Variants in AP4E1 observed in about 807,000 individuals in gnomAD.
The protein encoded by AP4E1 is adaptor related protein complex 4 subunit epsilon 1.
In AP4E1, 56 loss-of-function variants were observed where a neutral mutation model predicts 128.2. That is an observed-to-expected ratio of 0.44 (90% CI 0.35 to 0.55). The LOEUF is 0.55. Ranked by LOEUF, AP4E1 falls within the 20% of genes least tolerant of loss-of-function variation. AP4E1 has a pLI of 0.00. For synonymous variants in AP4E1, 484 were observed against 473.1 expected, an observed-to-expected ratio of 1.02 and a Z score of -0.30; for missense variants, 1,324 against 1,307.7, an observed-to-expected ratio of 1.01 and a Z score of -0.19.
intron 16 of AP4E1, among the ~76,000 whole-genome samples, chr15:50,986,757 G>T (rs1188911938): frequency 6.6e-6 from 1 of 152,184 alleles, no homozygotes; most frequent in Admixed American, 6.5e-5. Flanking sequence ...AGGGATATTG[G>T]TCTAAAATTC....
At chr15:50,969,967 T>C (rs769398064) in intron 15 of AP4E1, among the ~76,000 whole-genome samples, 1 of 152,172 alleles carries the variant, frequency 6.6e-6, no homozygotes, top group Non-Finnish European at 1.5e-5. Flanking sequence ...CCACATTCAA[T>C]ATCTTTCTTC....
intron 10 of AP4E1, among the ~76,000 whole-genome samples, chr15:50,946,329 C>T (rs1228745066): frequency 6.6e-6 from 1 of 152,168 alleles, no homozygotes; most frequent in African/African-American, 2.4e-5. Context: ...GACCAAACGT[C>T]TCTTATGTTA....
chr15:50,933,505 A>C (rs2063862676), intron 7 of AP4E1, among the ~76,000 whole-genome samples: 1 of 152,092 alleles, frequency 6.6e-6, no homozygotes, highest in Non-Finnish European at 1.5e-5. Flanking sequence ...TGTGGTTAAG[A>C]CTCATGCCAG....
intron 17 of AP4E1, among the ~76,000 whole-genome samples, chr15:50,996,792 G>T (rs2064880938): frequency 6.6e-6 from 1 of 152,152 alleles, no homozygotes; most frequent in Admixed American, 6.5e-5. Flanking sequence ...CAGTTATTGA[G>T]TTCTTTCCTG....
intron 15 of AP4E1, among the ~76,000 whole-genome samples, chr15:50,981,262 C>G (rs953188531): frequency 6.6e-6 from 1 of 152,136 alleles, no homozygotes; most frequent in African/African-American, 2.4e-5. Context: ...AACTCCTGCC[C>G]CAGTGTTCCC....
intron 11 of AP4E1, 67 bp from the exon 12 acceptor site, chr15:50,949,759 T>G: frequency 1.6e-6 from 2 of 1,221,668 alleles, no homozygotes; most frequent in East Asian, 4.7e-5. Context: ...TTTTAAAAGA[T>G]TGCTACAGAA....
chr15:50,989,580 G>A (rs1316409280), intron 16 of AP4E1, among the ~76,000 whole-genome samples: 1 of 151,656 alleles, frequency 6.6e-6, no homozygotes, highest in African/African-American at 2.4e-5. Context: ...TATTGTTTGT[G>A]GGCATTTGAT....
intron 10 of AP4E1, chr15:50,945,834 T>C: frequency 1.3e-6 from 1 of 783,734 alleles, no homozygotes. Context: ...AATGTATAGC[T>C]TGTCATTGAC....
At chr15:50,930,644 AT>A (rs1485152466) in intron 6 of AP4E1, among the ~76,000 whole-genome samples, 160 bp from the exon 7 acceptor site, 10 of 152,144 alleles carry the variant, frequency 6.6e-5, no homozygotes, top group Non-Finnish European at 1.2e-4. Flanking sequence ...AGCCAGAGGA[AT>A]TTTATCATGG....
At chr15:50,966,276 A>G (rs1037064737) in intron 14 of AP4E1, among the ~76,000 whole-genome samples, 3 of 152,146 alleles carry the variant, frequency 2.0e-5, no homozygotes, top group Non-Finnish European at 2.9e-5. Context: ...GAGAAAATAA[A>G]GGTTATTATT....
intron 11 of AP4E1, among the ~76,000 whole-genome samples, chr15:50,949,431 A>G (rs1343700612): frequency 6.6e-6 from 1 of 151,122 alleles, no homozygotes; most frequent in Non-Finnish European, 1.5e-5. Context: ...AAAAAAAAGG[A>G]AAAAAAGAAA....
intron 7 of AP4E1, among the ~76,000 whole-genome samples, chr15:50,931,392 C>T (rs1313818633): frequency 6.6e-6 from 1 of 151,968 alleles, no homozygotes; most frequent in Non-Finnish European, 1.5e-5. Context: ...ATTGTGAAAC[C>T]CCGTCTCTAC....
chr15:50,969,471 C>T (rs957506198), intron 15 of AP4E1, among the ~76,000 whole-genome samples: 6 of 151,534 alleles, frequency 4.0e-5, no homozygotes, highest in Non-Finnish European at 7.4e-5. Context: ...TTACTATGGA[C>T]TAGTGAGCTT....
At chr15:50,963,419 A>G (rs570414362) in intron 14 of AP4E1, among the ~76,000 whole-genome samples, 33 of 152,326 alleles carry the variant, frequency 2.2e-4, no homozygotes, top group African/African-American at 7.7e-4. Flanking sequence ...CAGCCAAATA[A>G]TATCCCAGCA....
Position 50,968,259 on chromosome 15 carries a change from A to G in AP4E1, c.1852-4A>G. 4.4e-6 allele frequency: 7 copies of G among 1,601,836 alleles called. No homozygotes were observed. Among genetic ancestry groups the G allele is most frequent in the Non-Finnish European group, 5.1e-6 (6 of 1,170,364 alleles). On this transcript the variant is annotated splice_polypyrimidine_tract_variant and splice_region_variant and intron_variant, in intron 14 of 20. Coordinates refer to ENST00000261842, the MANE Select transcript of AP4E1 (RefSeq NM_007347.5). ...TTCCTAATTTTTGCTTAATTTTAAT[A>G]TAGGTAGATGCTTCTTTATCTTTTC...
chr15:50,915,678 A>G, intron 3 of AP4E1, 107 bp downstream of exon 3: 2 of 1,329,574 alleles, frequency 1.5e-6, no homozygotes, highest in South Asian at 2.6e-5. Context: ...AGAATACTGT[A>G]TTATAATTTC....
chr15:50,969,853 GTT>G (rs2064454473), intron 15 of AP4E1, among the ~76,000 whole-genome samples: 1 of 151,870 alleles, frequency 6.6e-6, no homozygotes, highest in South Asian at 2.1e-4. Flanking sequence ...TAGAGACAGG[GTT>G]TCACCATGTT....
intron 13 of AP4E1, among the ~76,000 whole-genome samples, chr15:50,953,198 G>A (rs1401546756): frequency 6.6e-6 from 1 of 152,172 alleles, no homozygotes; most frequent in Admixed American, 6.5e-5. Context: ...TGGCTTTAGT[G>A]TTGATTATCC....
At chr15:50,922,609 GA>G (rs2063719894) in intron 3 of AP4E1, among the ~76,000 whole-genome samples, 2 of 152,114 alleles carry the variant, frequency 1.3e-5, no homozygotes, top group South Asian at 4.1e-4. Flanking sequence ...AAAGAATTGA[GA>G]AGAACGAAAA....
Sources: allele counts gnomAD v4.1 joint callset (sites outside exome capture counted in the v4.1 genomes callset), GRCh38; gene constraint gnomAD v4.1.1; transcripts MANE v1.5; gene names NCBI Gene and HGNC (gene_info 2026-07-23, HGNC 2026-07-21).